GRHL2: variants seen among roughly 807,000 people sequenced by gnomAD.
The protein encoded by GRHL2 is grainyhead-like protein 2 homolog.
A neutral mutation model predicts 83.8 loss-of-function variants in GRHL2; 21 were observed. That is an observed-to-expected ratio of 0.25 (90% CI 0.18 to 0.36). The LOEUF (loss-of-function observed/expected upper bound fraction) is 0.36. GRHL2 is among the 10% of genes least tolerant of loss of function. The probability of loss-of-function intolerance (pLI) is 1.00; values close to 1 mark genes in which losing one functional copy is unlikely to be tolerated. For synonymous variants in GRHL2, 280 were observed against 278.9 expected (o/e 1.00, Z -0.04); for missense variants, 623 against 781.8 (o/e 0.80, Z 2.42).
chr8:101,619,802 A>G, intron 9 of GRHL2, 105 bp downstream of exon 9: 5 of 849,560 alleles, frequency 5.9e-6, no homozygotes, highest in Non-Finnish European at 9.6e-6. Context: ...GTGTCAAAAT[A>G]TTCACTTTAC....
At chr8:101,621,916 A>C (rs990339912) in intron 9 of GRHL2, among the ~76,000 whole-genome samples, 1 of 152,120 alleles carries the variant, frequency 6.6e-6, no homozygotes, top group African/African-American at 2.4e-5. Context: ...ATATAATAGG[A>C]ATCTTTGAGG....
chr8:101,681,092 G>A, the GRHL2 span, among the ~76,000 whole-genome samples: 1 of 146,688 alleles, frequency 6.8e-6, no homozygotes, highest in South Asian at 2.3e-4. Context: ...AGAACTGAAG[G>A]AAATAGAGAC....
At chr8:101,545,923 C>T (rs1172541750) in intron 2 of GRHL2, among the ~76,000 whole-genome samples, 2 of 120,830 alleles carry the variant, frequency 1.7e-5, no homozygotes, top group Non-Finnish European at 3.2e-5. Flanking sequence ...TGCTCTGTCA[C>T]CAGGCTGGAG....
chr8:101,536,599 C>A (rs2130100443), intron 1 of GRHL2, among the ~76,000 whole-genome samples: 1 of 152,212 alleles, frequency 6.6e-6, no homozygotes, highest in Admixed American at 6.5e-5. Flanking sequence ...GTGGTGCAGC[C>A]AAGATTTGCA....
chr8:101,616,640 G>T (rs1394839162), intron 8 of GRHL2, among the ~76,000 whole-genome samples: 1 of 152,068 alleles, frequency 6.6e-6, no homozygotes, highest in African/African-American at 2.4e-5. Flanking sequence ...CATGCCCAGG[G>T]CTCTGTTTTG....
Position 101,610,490 on chromosome 8 carries a change from G to T in GRHL2, c.1099-9049G>T, listed in dbSNP as rs563984601. 4.6e-4 allele frequency among the ~76,000 whole-genome samples: 69 copies of T among 150,956 alleles called. 6 individuals are homozygous for T. The highest frequency in any genetic ancestry group is 1.6e-3 in the African/African-American group (66 of 40,386). On this transcript the variant is annotated intron_variant, in intron 8 of 15. Coordinates refer to ENST00000646743, the MANE Select transcript of GRHL2 (RefSeq NM_024915.4). Reference sequence around the variant, plus strand: ...GGGCTTTGTTGATTCTGTCATGGGGGTGAGAGCTTGGAGTTCAAGAACAGG... The same window carrying T: ...GGGCTTTGTTGATTCTGTCATGGGGTTGAGAGCTTGGAGTTCAAGAACAGG...
intron 14 of GRHL2, among the ~76,000 whole-genome samples, chr8:101,657,650 C>G (rs777250297): frequency 2.0e-5 from 3 of 152,006 alleles, no homozygotes; most frequent in Non-Finnish European, 4.4e-5. Flanking sequence ...ACCATCCTGG[C>G]TAACATGGTG....
downstream of GRHL2, among the ~76,000 whole-genome samples, chr8:101,670,758 G>A (rs934838653): frequency 4.6e-5 from 7 of 152,232 alleles, no homozygotes; most frequent in South Asian, 2.1e-4. Context: ...GGAATGAGAC[G>A]CTGGTTGGAT....
intron 8 of GRHL2, among the ~76,000 whole-genome samples, 153 bp downstream of exon 8, chr8:101,599,304 T>C (rs932548941): frequency 1.3e-5 from 2 of 152,160 alleles, no homozygotes; most frequent in Admixed American, 6.5e-5. Context: ...GAAAAGGGAG[T>C]GTGCTCCTCT....
intron 4 of GRHL2, among the ~76,000 whole-genome samples, chr8:101,568,767 CT>C (rs1329412468): frequency 6.6e-6 from 1 of 152,126 alleles, no homozygotes; most frequent in Non-Finnish European, 1.5e-5. Flanking sequence ...AAACACAAAT[CT>C]GTACCTTTGA....
At chr8:101,626,866 G>A (rs1001703363) in intron 9 of GRHL2, among the ~76,000 whole-genome samples, 6 of 152,060 alleles carry the variant, frequency 3.9e-5, no homozygotes, top group Non-Finnish European at 8.8e-5. Context: ...CTCAAGGAAT[G>A]TTTTCTTTAC....
chr8:101,662,277 G>A (rs1813937985), intron 14 of GRHL2, among the ~76,000 whole-genome samples: 1 of 152,178 alleles, frequency 6.6e-6, no homozygotes, highest in African/African-American at 2.4e-5. Flanking sequence ...AGGTGTGACT[G>A]TGAGGTAATC....
intron 4 of GRHL2, among the ~76,000 whole-genome samples, chr8:101,564,812 C>CAAAAAA (rs3035637): frequency 9.1e-6 from 1 of 109,760 alleles, no homozygotes. Context: ...GCCCTGTCTC[C>CAAAAAA]AAAAAAAAAA....
At chr8:101,504,603 C>G (rs1586398675) in intron 1 of GRHL2, among the ~76,000 whole-genome samples, 1 of 150,976 alleles carries the variant, frequency 6.6e-6, no homozygotes, top group Non-Finnish European at 1.5e-5. Flanking sequence ...ATATGACTTC[C>G]TTTAAAAACA....
intron 8 of GRHL2, among the ~76,000 whole-genome samples, chr8:101,604,621 A>G (rs1011284467): frequency 3.3e-5 from 5 of 152,140 alleles, no homozygotes; most frequent in African/African-American, 1.2e-4. Flanking sequence ...GGAACACCGT[A>G]ACAATTTGTC....
chr8:101,661,540 A>G (rs918097816), intron 14 of GRHL2, among the ~76,000 whole-genome samples: 20 of 152,196 alleles, frequency 1.3e-4, no homozygotes, highest in African/African-American at 4.6e-4. Context: ...TACGTAATAC[A>G]TTGTAAAGGC....
At chr8:101,571,235 A>T (rs1019638766) in intron 5 of GRHL2, among the ~76,000 whole-genome samples, 3 of 152,226 alleles carry the variant, frequency 2.0e-5, no homozygotes, top group Admixed American at 6.5e-5. Context: ...ATTCACAGGA[A>T]GTGGCATTTG....
chr8:101,608,715 C>CTTTTTTTATTTTTCTACATTTTTTATTT (rs1244428414), intron 8 of GRHL2, among the ~76,000 whole-genome samples: 1 of 145,196 alleles, frequency 6.9e-6, no homozygotes, highest in African/African-American at 2.7e-5. Context: ...GCCAGATTTG[C>CTTTTTTTATTTTTCTACATTTTTTATTT]TTTGTCTCTG....
intron 14 of GRHL2, among the ~76,000 whole-genome samples, chr8:101,652,330 G>GGT (rs1173769294): frequency 0.047 from 4,660 of 99,430 alleles, 975 homozygotes; most frequent in African/African-American, 0.081. Context: ...GTGTGTGTGT[G>GGT]GTGTGTGTGT....
Sources: gnomAD v4.1 joint callset for allele counts (sites outside exome capture counted in the v4.1 genomes callset) on GRCh38, gnomAD v4.1.1 for gene constraint, MANE v1.5 for transcripts, NCBI Gene and HGNC (gene_info 2026-07-23, HGNC 2026-07-21) for gene names.